Variants in DLG4 observed in about 807,000 individuals in gnomAD.
DLG4 encodes the protein disks large homolog 4.
DLG4 carries 7 observed loss-of-function variants against 93.8 expected under a neutral mutation model. That is an observed-to-expected ratio of 0.07 (90% CI 0.04 to 0.14). The LOEUF is 0.14. Among genes scored for constraint, DLG4 ranks in the 10% least tolerant of loss-of-function variants. The probability of loss-of-function intolerance (pLI) is 1.00; values close to 1 mark genes in which losing one functional copy is unlikely to be tolerated. For missense variants in DLG4, 545 were observed against 992.9 expected, an observed-to-expected ratio of 0.55 and a Z score of 6.06; for synonymous variants, 341 against 387.6, an observed-to-expected ratio of 0.88 and a Z score of 1.41.
intron 1 of DLG4, among the ~76,000 whole-genome samples, chr17:7,209,934 T>C (rs990813920): frequency 6.6e-6 from 1 of 151,868 alleles, no homozygotes; most frequent in Admixed American, 6.6e-5. Flanking sequence ...CCTAGCTACA[T>C]GGGAGGCTGA....
chr17:7,211,608 C>CG, intron 1 of DLG4: 1 of 797,834 alleles, frequency 1.3e-6, no homozygotes, highest in Non-Finnish European at 1.5e-6. Flanking sequence ...CTGATATTTG[C>CG]GGGGGTCCGG....
Position 7,191,608 on chromosome 17 carries a change from A to T in DLG4, c.1977-250T>A. 1.7e-6 allele frequency: 1 copy of T among 587,848 alleles called. No homozygotes were observed. The highest frequency in any genetic ancestry group is 2.1e-5 in the South Asian group (1 of 47,930). 36.4% of individuals were successfully genotyped at this position (587,848 alleles called of 1,614,324 possible). ...CTTCATCCTTCCAGCCTTCAGCCCC[A>T]GAGATGGGATTCGGACTCCAATTCC... On this transcript the variant is annotated intron_variant, in intron 18 of 19. Coordinates refer to ENST00000399506, the MANE Select transcript of DLG4 (RefSeq NM_001321075.3). The surrounding 1 kb of genome is among the most constrained non-coding windows in gnomAD (Gnocchi z 6.6).
In DLG4 at chr17:7,217,241, G is replaced by A. The variant is rs532873127; in HGVS notation, c.-94C>T. The A allele has an allele frequency of 1.6e-5, 20 of 1,220,288 alleles. No homozygotes were observed. Among genetic ancestry groups the A allele is most frequent in the East Asian group, 7.0e-5 (2 of 28,546 alleles). The allele number at this position is 1,220,288 out of a possible 1,614,324, so 75.6% of individuals were successfully genotyped here. ...GTGGGTTCTCACCCCTCCCCCCTCCGCACCCCACTTTTGCAGGGGGGGCCA... is the reference window on the plus strand; with the variant it reads ...GTGGGTTCTCACCCCTCCCCCCTCCACACCCCACTTTTGCAGGGGGGGCCA... On this transcript the variant is annotated 5_prime_UTR_variant, in exon 1 of 20. Coordinates refer to ENST00000399506, the MANE Select transcript of DLG4 (RefSeq NM_001321075.3).
chr17:7,217,925 G>C (rs2071010441), upstream of DLG4: 4 of 1,091,044 alleles, frequency 3.7e-6, no homozygotes. Flanking sequence ...AGGGGGTCGG[G>C]TGTGAGGGAG....
intron 8 of DLG4, chr17:7,202,667 G>C: frequency 1.8e-6 from 1 of 545,512 alleles, no homozygotes; most frequent in Non-Finnish European, 3.3e-6. Flanking sequence ...CACAAAATTA[G>C]CCATAAAACC....
In DLG4 at chr17:7,208,261, T is replaced by C; in HGVS notation, c.31-22A>G. 1 of 1,311,388 alleles carries C rather than the reference T, an allele frequency of 7.6e-7. No homozygotes were observed. The highest frequency in any genetic ancestry group is 9.8e-7 in the Non-Finnish European group (1 of 1,021,430). 81.2% of individuals were successfully genotyped at this position (1,311,388 alleles called of 1,614,324 possible). A position where few individuals can be genotyped will look rare whatever the true frequency, so the allele number is the denominator to read the frequency against. The stretch of plus-strand genomic sequence containing the variant: ...ATTTCTGGGGATGGGGACGGAGGTG[T>C]CACTGGGGCCAGCCCGGTGCCTCAG... On this transcript the variant is annotated intron_variant, in intron 1 of 19. Transcript: ENST00000399506. The surrounding 1 kb of genome is among the most constrained non-coding windows in gnomAD (Gnocchi z 5.4).
chr17:7,192,231 G>A (rs546864095), intron 17 of DLG4: 28 of 431,742 alleles, frequency 6.5e-5, no homozygotes, highest in African/African-American at 5.3e-4. Flanking sequence ...GGAGAGGGCA[G>A]GGACAGGACA....
rs1335294500 is a variant in DLG4, at chr17:7,187,785, A to C, written c.*2923T>G. 6.6e-6 allele frequency among the ~76,000 whole-genome samples: 1 copy of C among 151,440 alleles called. No individual in the cohort carries two copies. Among genetic ancestry groups the C allele is most frequent in the Non-Finnish European group, 1.5e-5 (1 of 67,844 alleles). The stretch of plus-strand genomic sequence containing the variant: ...AGAGAAGGATTATTTGAAAAACATC[A>C]GGGCCAGGTGCAGTGGCTCACGCCT... On this transcript the variant is annotated 3_prime_UTR_variant, in exon 20 of 20. Coordinates refer to ENST00000399506, the MANE Select transcript of DLG4 (RefSeq NM_001321075.3).
At chr17:7,217,661 A>G, upstream of DLG4, 2 of 1,167,020 alleles carry the variant, frequency 1.7e-6, no homozygotes, top group Non-Finnish European at 2.3e-6. Flanking sequence ...GGAGGGAGCT[A>G]GGAGCCAGAA....
intron 1 of DLG4, among the ~76,000 whole-genome samples, chr17:7,210,738 G>T (rs903871273): frequency 6.6e-6 from 1 of 152,164 alleles, no homozygotes. Flanking sequence ...TTTGGAGTCT[G>T]GGGGAGGGTT....
chr17:7,193,493 G>A lies in DLG4; in HGVS notation c.1683C>T (p.Ser561=). The change falls in exon 16 of 20, where the codon TCC becomes TCT. Residue 561 remains serine (S), a synonymous_variant. Coordinates refer to ENST00000399506, the MANE Select transcript of DLG4 (RefSeq NM_001321075.3). This position sits in a 1 kb window ranked among gnomAD's most constrained non-coding sequence, Gnocchi z 6.7. ...GGCCCCAGCACTCACGGGGAACACA[G>A]GATCCAAACTTGTCGGGGAACTCGG... is the stretch of plus-strand genomic sequence containing the variant. ...LLSEFPDKFG[S]CVPHTTRPKR... 6.5e-7 allele frequency: 1 copy of A among 1,535,552 alleles called. No individual in the cohort carries two copies. The highest frequency in any genetic ancestry group is 8.7e-7 in the Non-Finnish European group (1 of 1,148,238).
At position 7,189,584 on chromosome 17, in the gene DLG4, T is replaced by C. The variant is rs535978064; in HGVS notation, c.*1124A>G. 6.6e-6 allele frequency among the ~76,000 whole-genome samples: 1 copy of C among 152,274 alleles called. No individual in the cohort carries two copies. The highest frequency in any genetic ancestry group is 1.9e-4 in the East Asian group (1 of 5,186). The stretch of plus-strand genomic sequence containing the variant: ...AATGAACGAAGTTTCCTCTCTATTT[T>C]CCTTTAAGGACTGTTGTGCTTCCCA... On this transcript the variant is annotated 3_prime_UTR_variant, in exon 20 of 20. Coordinates refer to ENST00000399506, the MANE Select transcript of DLG4 (RefSeq NM_001321075.3).
At chr17:7,200,398 A>G (rs755438787) in intron 8 of DLG4, among the ~76,000 whole-genome samples, 1 of 152,146 alleles carries the variant, frequency 6.6e-6, no homozygotes, top group Non-Finnish European at 1.5e-5. Context: ...CTTCATACAA[A>G]TCTTACATTT....
Position 7,194,121 on chromosome 17 carries a change from C to A in DLG4, c.1479-121G>T. ...GGGCCAGCTGACACCCCTTCTCCTG[C>A]AGCCCTGGACACTGTGCTCCTCAAT... On this transcript the variant is annotated intron_variant, in intron 12 of 19. Coordinates refer to ENST00000399506, the MANE Select transcript of DLG4 (RefSeq NM_001321075.3). This position sits in a 1 kb window ranked among gnomAD's most constrained non-coding sequence, Gnocchi z 4.4. The A allele has an allele frequency of 7.2e-7, 1 of 1,379,544 alleles. No homozygotes were observed. 85.5% of individuals were successfully genotyped at this position (1,379,544 alleles called of 1,614,324 possible).
At chr17:7,211,249 C>T (rs1567549641) in intron 1 of DLG4, among the ~76,000 whole-genome samples, 2 of 151,546 alleles carry the variant, frequency 1.3e-5, no homozygotes, top group African/African-American at 4.9e-5. Flanking sequence ...AAAGGAGGAC[C>T]CCCCCCATCC....
chr17:7,218,792 C>T (rs749196903), upstream of DLG4: 6 of 1,613,034 alleles, frequency 3.7e-6, no homozygotes, highest in East Asian at 6.7e-5. Flanking sequence ...CCCCACTTCG[C>T]TCCCAGACCT....
rs1003266605 is a variant in DLG4 at position 7,187,827 on chromosome 17, G to C, written c.*2881C>G. 6.6e-6 allele frequency among the ~76,000 whole-genome samples: 1 copy of C among 152,146 alleles called. No individual in the cohort carries two copies. Among genetic ancestry groups the C allele is most frequent in the African/African-American group, 2.4e-5 (1 of 41,432 alleles). Reference sequence around the variant, plus strand: ...CTCACGCCTGTAATCCCAGCACTTTGGGAGGCCAAGGCGGGCAGATCACCT... The same window carrying C: ...CTCACGCCTGTAATCCCAGCACTTTCGGAGGCCAAGGCGGGCAGATCACCT... On this transcript the variant is annotated 3_prime_UTR_variant, in exon 20 of 20. Transcript: ENST00000399506.
chr17:7,188,878 A>G lies in DLG4; in HGVS notation c.*1830T>C, dbSNP rs1236184898. On this transcript the variant is annotated 3_prime_UTR_variant, in exon 20 of 20. Transcript: ENST00000399506. ...TGTAATCTTAACACTGTGGGAGGCCAAGCTGGGCGGATCACCTGAGGTCAG... is the reference window on the plus strand; with the variant it reads ...TGTAATCTTAACACTGTGGGAGGCCGAGCTGGGCGGATCACCTGAGGTCAG... 2.6e-5 allele frequency among the ~76,000 whole-genome samples: 4 copies of G among 152,054 alleles called. No individual in the cohort carries two copies. The highest frequency in any genetic ancestry group is 6.6e-5 in the Admixed American group (1 of 15,252).
intron 1 of DLG4, chr17:7,211,523 C>G (rs1320968859): frequency 5.3e-6 from 1 of 189,684 alleles, no homozygotes; most frequent in Admixed American, 6.6e-5. Flanking sequence ...CCCACGGCGC[C>G]TGTCCACGAG....
Sources: gnomAD v4.1 joint callset for allele counts (sites outside exome capture counted in the v4.1 genomes callset) on GRCh38, gnomAD v4.1.1 for gene constraint, Gnocchi (gnomAD v3.1) non-coding constraint, MANE v1.5 for transcripts, NCBI Gene and HGNC (gene_info 2026-07-23, HGNC 2026-07-21) for gene names.